Variants in SBK1 observed in about 807,000 individuals in gnomAD.
SBK1 encodes the protein SH3 domain binding kinase 1, also known as serine/threonine-protein kinase SBK1.
Under a neutral mutation model 24.4 loss-of-function variants are expected in SBK1, and 11 were observed. That is an observed-to-expected ratio of 0.45 (90% CI 0.28 to 0.75). The LOEUF (loss-of-function observed/expected upper bound fraction) is 0.75. Among genes scored for constraint, SBK1 ranks in the 30% least tolerant of loss-of-function variants. SBK1 has a pLI of 0.12. For missense variants in SBK1, 467 were observed against 620.5 expected (o/e 0.75, Z 2.63); for synonymous variants, 308 against 284.4 (o/e 1.08, Z -0.83).
Position 28,319,830 on chromosome 16 carries a change from G to A in SBK1, c.430-246G>A, listed in dbSNP as rs1437065000. Among the ~76,000 whole-genome samples, 2 of 152,096 alleles carry A rather than the reference G, an allele frequency of 1.3e-5. No individual in the cohort carries two copies. The highest frequency in any genetic ancestry group is 1.3e-4 in the Admixed American group (2 of 15,276). On this transcript the variant is annotated intron_variant, in intron 3 of 3. Coordinates refer to ENST00000341901, the MANE Select transcript of SBK1 (RefSeq NM_001024401.3). This position sits in a 1 kb window ranked among gnomAD's most constrained non-coding sequence, Gnocchi z 4.0. Reference sequence around the variant, plus strand: ...CCTCATCAACCTCCTGGAGAGCCGCGTGTCCCTCCTGGAGCCCCGATGTCC... The same window carrying A: ...CCTCATCAACCTCCTGGAGAGCCGCATGTCCCTCCTGGAGCCCCGATGTCC...
At chr16:28,313,739 C>T (rs142877646) in intron 1 of SBK1, among the ~76,000 whole-genome samples, 5 of 151,908 alleles carry the variant, frequency 3.3e-5, no homozygotes, top group African/African-American at 4.8e-5. Context: ...GCTGAGAGGA[C>T]GGTGCAGATG....
chr16:28,316,334 C>T (rs1400296545), intron 1 of SBK1, among the ~76,000 whole-genome samples: 4 of 152,164 alleles, frequency 2.6e-5, no homozygotes, highest in African/African-American at 9.7e-5. Flanking sequence ...TAATATACAA[C>T]TGATGTGATC....
At chr16:28,279,553 C>T (rs1456700458) in intron 1 of SBK1, among the ~76,000 whole-genome samples, 1 of 152,128 alleles carries the variant, frequency 6.6e-6, no homozygotes, top group Non-Finnish European at 1.5e-5. Context: ...CTGTCACGGG[C>T]ACAGGTTCAA....
intron 1 of SBK1, among the ~76,000 whole-genome samples, chr16:28,313,441 A>G (rs1567679443): frequency 6.6e-6 from 1 of 151,958 alleles, no homozygotes. Flanking sequence ...TACAAAAAAT[A>G]CAAAAATTAG....
chr16:28,308,512 TCC>T (rs2044732120), intron 1 of SBK1, among the ~76,000 whole-genome samples: 1 of 116,854 alleles, frequency 8.6e-6, no homozygotes, highest in Non-Finnish European at 1.6e-5. Context: ...TGTTGAGACC[TCC>T]CAGGCTTAAG....
chr16:28,276,695 C>T (rs1159747011), intron 1 of SBK1, among the ~76,000 whole-genome samples: 1 of 151,912 alleles, frequency 6.6e-6, no homozygotes, highest in Non-Finnish European at 1.5e-5. Flanking sequence ...GGCGGAGTCT[C>T]ACTCTGTTGC....
At chr16:28,280,149 A>ATATATATATATATATG (rs1230385223) in intron 1 of SBK1, among the ~76,000 whole-genome samples, 32 of 39,392 alleles carry the variant, frequency 8.1e-4, no homozygotes, top group African/African-American at 1.4e-3. Flanking sequence ...ATATATATAT[A>ATATATATATATATATG]TGTGTGTGTG....
intron 1 of SBK1, among the ~76,000 whole-genome samples, chr16:28,307,317 T>C (rs1376532435): frequency 3.9e-5 from 6 of 152,158 alleles, no homozygotes; most frequent in African/African-American, 1.4e-4. Flanking sequence ...CACAGAGTGG[T>C]CATGTCATTT....
In SBK1 at chr16:28,308,450, CTTTTTTTTTTTTTTTT is replaced by C. The variant is rs59880320; in HGVS notation, c.-7-8916_-7-8901del. 6.2e-4 allele frequency among the ~76,000 whole-genome samples: 25 copies of C among 40,008 alleles called. No individual in the cohort carries two copies. The South Asian group carries it at 0.018, about 29-fold the overall frequency. The allele number at this position is 40,008 out of a possible 152,430, so 26.2% of individuals were successfully genotyped here. On this transcript the variant is annotated intron_variant, in intron 1 of 3. Transcript: ENST00000341901. Reference sequence around the variant, plus strand: ...ACAGGTGTGAGCCACCATGCTTGGGCTTTTTTTTTTTTTTTTTTTTTTTTTTTTTTTTTTGAGACAG... The same window carrying C: ...ACAGGTGTGAGCCACCATGCTTGGGCTTTTTTTTTTTTTTTTTTGAGACAG...
At chr16:28,302,137 T>C (rs1415255281) in intron 1 of SBK1, among the ~76,000 whole-genome samples, 3 of 152,164 alleles carry the variant, frequency 2.0e-5, no homozygotes, top group Non-Finnish European at 4.4e-5. Context: ...GTCCTGAGCC[T>C]CATGGTGCCC....
intron 1 of SBK1, among the ~76,000 whole-genome samples, chr16:28,300,842 G>A (rs1015034860): frequency 2.0e-5 from 3 of 152,156 alleles, no homozygotes; most frequent in African/African-American, 4.8e-5. Flanking sequence ...ATGGGGAGAC[G>A]GTAAGTGGCA....
intron 1 of SBK1, among the ~76,000 whole-genome samples, chr16:28,263,490 G>A (rs1183390311): frequency 6.6e-6 from 1 of 152,206 alleles, no homozygotes; most frequent in Admixed American, 6.5e-5. Context: ...CAAATTGAGA[G>A]CAACAGGTAG....
intron 1 of SBK1, among the ~76,000 whole-genome samples, chr16:28,266,737 T>C (rs398042004): frequency 0.019 from 2,798 of 144,814 alleles, 94 homozygotes; most frequent in African/African-American, 0.069. Context: ...TCTTTTCTTT[T>C]TTTTTTTTTT....
chr16:28,295,216 C>A (rs1467096005), intron 1 of SBK1, among the ~76,000 whole-genome samples: 1 of 152,182 alleles, frequency 6.6e-6, no homozygotes, highest in Non-Finnish European at 1.5e-5. Flanking sequence ...TCCTCACTAA[C>A]CTGCAGTGGC....
chr16:28,304,260 G>C (rs1385104231), intron 1 of SBK1, among the ~76,000 whole-genome samples: 1 of 152,054 alleles, frequency 6.6e-6, no homozygotes, highest in South Asian at 2.1e-4. Flanking sequence ...CATTTCCTCC[G>C]TGCCTGGCTC....
In SBK1 at chr16:28,319,839, C is replaced by T. The variant is rs2044825418; in HGVS notation, c.430-237C>T. ...CCTCCTGGAGAGCCGCGTGTCCCTC[C>T]TGGAGCCCCGATGTCCCCATAGGAG... On this transcript the variant is annotated intron_variant, in intron 3 of 3. Coordinates refer to ENST00000341901, the MANE Select transcript of SBK1 (RefSeq NM_001024401.3). This position sits in a 1 kb window ranked among gnomAD's most constrained non-coding sequence, Gnocchi z 4.0. Among the ~76,000 whole-genome samples, 1 of 152,126 alleles carries T rather than the reference C, an allele frequency of 6.6e-6. No individual in the cohort carries two copies. Among genetic ancestry groups the T allele is most frequent in the Non-Finnish European group, 1.5e-5 (1 of 67,994 alleles).
At chr16:28,267,258 C>T (rs1238214183) in intron 1 of SBK1, among the ~76,000 whole-genome samples, 1 of 152,110 alleles carries the variant, frequency 6.6e-6, no homozygotes, top group African/African-American at 2.4e-5. Flanking sequence ...AGGCATCTCA[C>T]TATGTGGGCC....
At position 28,292,686 on chromosome 16, in the gene SBK1, AG is replaced by A; in HGVS notation, c.-618del. ...CGGCGACCGAGCCCCCCAGCGGCTG[AG>A]GGGCTTCCAGCGCCCGCCGGTGGCC... On this transcript the variant is annotated 5_prime_UTR_variant, in exon 1 of 4. Coordinates refer to ENST00000341901, the MANE Select transcript of SBK1 (RefSeq NM_001024401.3). 1 of 982,750 alleles carries A rather than the reference AG, an allele frequency of 1.0e-6. No individual in the cohort carries two copies. Among genetic ancestry groups the A allele is most frequent in the Non-Finnish European group, 1.2e-6 (1 of 828,820 alleles). The allele number at this position is 982,750 out of a possible 1,614,324, so 60.9% of individuals were successfully genotyped here.
At chr16:28,296,405 T>C (rs1253254759) in intron 1 of SBK1, among the ~76,000 whole-genome samples, 2 of 152,026 alleles carry the variant, frequency 1.3e-5, no homozygotes, top group African/African-American at 4.8e-5. Context: ...ACCCAACTAA[T>C]TTTTGTATTT....
Sources: gnomAD v4.1 joint callset for allele counts (sites outside exome capture counted in the v4.1 genomes callset) on GRCh38, gnomAD v4.1.1 for gene constraint, Gnocchi (gnomAD v3.1) non-coding constraint, MANE v1.5 for transcripts, NCBI Gene and HGNC (gene_info 2026-07-23, HGNC 2026-07-21) for gene names.